The following PTGER3 variants were observed in gnomAD, a reference collection of about 807,000 sequenced individuals.
The protein encoded by PTGER3 is prostaglandin E2 receptor EP3 subtype.
PTGER3 carries 22 observed loss-of-function variants against 34.7 expected under a neutral mutation model. That is an observed-to-expected ratio of 0.63 (90% CI 0.45 to 0.91). The LOEUF (loss-of-function observed/expected upper bound fraction) is 0.91, where lower values mean the gene tolerates loss of function less well. Ranked by LOEUF, PTGER3 falls within the 40% of genes least tolerant of loss-of-function variation. PTGER3 has a pLI of 0.00. For synonymous variants in PTGER3, 241 were observed against 230.1 expected (o/e 1.05, Z -0.43); for missense variants, 468 against 519.4 (o/e 0.90, Z 0.96).
chr1:70,881,543 A>G (rs773226284), intron 4 of PTGER3, among the ~76,000 whole-genome samples: 14 of 151,954 alleles, frequency 9.2e-5, no homozygotes, highest in Non-Finnish European at 1.8e-4. Context: ...TGTCTCATCA[A>G]TGTGGGCTCA....
chr1:70,868,652 A>G (rs1646097323), intron 4 of PTGER3, among the ~76,000 whole-genome samples: 1 of 152,198 alleles, frequency 6.6e-6, no homozygotes, highest in Non-Finnish European at 1.5e-5. Flanking sequence ...GGAAGGATCT[A>G]GAAAATCATG....
At chr1:70,889,044 A>G (rs1436419216) in intron 4 of PTGER3, among the ~76,000 whole-genome samples, 1 of 152,154 alleles carries the variant, frequency 6.6e-6, no homozygotes, top group Non-Finnish European at 1.5e-5. Flanking sequence ...TTCATGCCCC[A>G]TTGGCTTAGA....
chr1:70,856,259 G>A (rs935432564), intron 4 of PTGER3, among the ~76,000 whole-genome samples: 4 of 151,896 alleles, frequency 2.6e-5, no homozygotes, highest in Admixed American at 6.6e-5. Context: ...TATACAATGT[G>A]ATTATTGAAG....
At chr1:71,010,533 C>G in intron 2 of PTGER3, 1 of 984,438 alleles carries the variant, frequency 1.0e-6, no homozygotes. Flanking sequence ...GCCTCTGTGT[C>G]TATCTGACTA....
chr1:70,991,560 C>T (rs965548325), intron 2 of PTGER3, among the ~76,000 whole-genome samples: 1 of 152,186 alleles, frequency 6.6e-6, no homozygotes, highest in African/African-American at 2.4e-5. Flanking sequence ...CAGGGAGATG[C>T]ATTCCGTGCC....
intron 4 of PTGER3, among the ~76,000 whole-genome samples, chr1:70,857,410 T>A (rs1384285859): frequency 2.0e-5 from 3 of 152,204 alleles, no homozygotes; most frequent in African/African-American, 7.2e-5. Flanking sequence ...ATTCAAATTT[T>A]TTTTTCCCCT....
rs927605433 is a variant in PTGER3, at chr1:70,865,677, G to A, written c.*24-12818C>T. On this transcript the variant is annotated intron_variant, in intron 4 of 4. Coordinates refer to the PTGER3 transcript ENST00000370931. ...AAAGTCCTGTACTTGGCAATGTGGA[G>A]TCTTTACTTACTAAGAAGTTTGAAG... 6 of 1,365,758 alleles carry A rather than the reference G, an allele frequency of 4.4e-6. No homozygotes were observed. The African/African-American group carries it at 5.9e-5, about 13-fold the overall frequency. The allele number at this position is 1,365,758 out of a possible 1,614,324, so 84.6% of individuals were successfully genotyped here.
At chr1:70,866,555 A>G (rs890101546) in intron 4 of PTGER3, among the ~76,000 whole-genome samples, 11 of 152,196 alleles carry the variant, frequency 7.2e-5, no homozygotes, top group Admixed American at 5.2e-4. Context: ...TGTGTCTTAC[A>G]TCAGGATGAC....
intron 1 of PTGER3, among the ~76,000 whole-genome samples, chr1:71,042,220 G>T (rs930636706): frequency 6.7e-6 from 1 of 149,998 alleles, no homozygotes; most frequent in Admixed American, 6.7e-5. Context: ...TTGTTTTCTT[G>T]AACATTTTTA....
intron 2 of PTGER3, chr1:71,010,005 A>G (rs1657301974): frequency 1.0e-6 from 1 of 985,206 alleles, no homozygotes; most frequent in Non-Finnish European, 1.2e-6. Context: ...TGCCATTTAC[A>G]TAATTTCTTT....
At chr1:70,891,596 G>A (rs886928551) in intron 4 of PTGER3, among the ~76,000 whole-genome samples, 2 of 152,152 alleles carry the variant, frequency 1.3e-5, no homozygotes, top group African/African-American at 4.8e-5. Context: ...TGCCCCAAGG[G>A]TATGGAAATG....
At chr1:70,931,524 A>T (rs893777465) in intron 4 of PTGER3, among the ~76,000 whole-genome samples, 1 of 152,208 alleles carries the variant, frequency 6.6e-6, no homozygotes, top group Admixed American at 6.5e-5. Flanking sequence ...CTGGGCATCC[A>T]GGCATTTCTA....
intron 2 of PTGER3, 52 bp from the exon 3 acceptor site, chr1:70,974,440 A>G (rs1309547147): frequency 2.5e-6 from 2 of 801,052 alleles, no homozygotes; most frequent in African/African-American, 3.4e-5. Context: ...ATTTTTAAAG[A>G]AAAGCAAAAC....
chr1:70,912,511 A>G (rs1259719784), intron 4 of PTGER3, among the ~76,000 whole-genome samples: 1 of 152,024 alleles, frequency 6.6e-6, no homozygotes, highest in African/African-American at 2.4e-5. Flanking sequence ...ACTGACTATC[A>G]TATACACATA....
At chr1:70,896,792 A>G in intron 4 of PTGER3, among the ~76,000 whole-genome samples, 1 of 152,156 alleles carries the variant, frequency 6.6e-6, no homozygotes, top group East Asian at 1.9e-4. Flanking sequence ...ACTAGGCGTT[A>G]GTGTTCCTCC....
intron 1 of PTGER3, among the ~76,000 whole-genome samples, chr1:71,040,176 G>A (rs868128569): frequency 3.3e-5 from 5 of 151,538 alleles, no homozygotes; most frequent in Non-Finnish European, 7.4e-5. Flanking sequence ...GGAGGAGAGG[G>A]AAGGGAAGGG....
chr1:70,908,845 T>G (rs2100379533), intron 4 of PTGER3, among the ~76,000 whole-genome samples: 1 of 152,322 alleles, frequency 6.6e-6, no homozygotes, highest in Non-Finnish European at 1.5e-5. Flanking sequence ...CTCTTTTTCA[T>G]GTCATATCTC....
chr1:70,914,590 T>A (rs570735324), intron 4 of PTGER3, among the ~76,000 whole-genome samples: 3 of 152,102 alleles, frequency 2.0e-5, no homozygotes, highest in South Asian at 4.1e-4. Flanking sequence ...GCTGGGATTC[T>A]ACAAAAGAGC....
chr1:70,956,780 G>T lies in PTGER3; in HGVS notation c.1078-2991C>A, dbSNP rs573515834. Among the ~76,000 whole-genome samples, 4 of 152,270 alleles carry T rather than the reference G, an allele frequency of 2.6e-5. No individual in the cohort carries two copies. In the South Asian group the frequency reaches 6.2e-4, roughly 24 times the overall value. The stretch of plus-strand genomic sequence containing the variant: ...ACACTTTGGGAAGCGGAAGTGGGCA[G>T]ATCACTTGAGGCCAGGGGTTCGAGA... On this transcript the variant is annotated intron_variant, in intron 2 of 3. Transcript: ENST00000356595.
Sources: allele counts gnomAD v4.1 joint callset (sites outside exome capture counted in the v4.1 genomes callset), GRCh38; gene constraint gnomAD v4.1.1; transcripts MANE v1.5; gene names NCBI Gene and HGNC (gene_info 2026-07-23, HGNC 2026-07-21).